Variants in RHOBTB1 observed in about 807,000 individuals in gnomAD.
The protein encoded by RHOBTB1 is Rho related BTB domain containing 1.
In RHOBTB1, 40 loss-of-function variants were observed where a neutral mutation model predicts 71.6. The observed-to-expected ratio is 0.56, with a 90% CI of 0.43 to 0.73. RHOBTB1 has a LOEUF of 0.73. Among genes scored for constraint, RHOBTB1 ranks in the 30% least tolerant of loss-of-function variants. The probability of loss-of-function intolerance (pLI) is 0.00; values close to 1 mark genes in which losing one functional copy is unlikely to be tolerated. For missense variants in RHOBTB1, 797 were observed against 894.0 expected (o/e 0.89, Z 1.38); for synonymous variants, 319 against 334.9 (o/e 0.95, Z 0.52).
chr10:60,911,744 T>A (rs1479602974), intron 2 of RHOBTB1, among the ~76,000 whole-genome samples, 192 bp from the exon 3 acceptor site: 1 of 152,232 alleles, frequency 6.6e-6, no homozygotes, highest in Non-Finnish European at 1.5e-5. Context: ...CTCACACAAG[T>A]ACAAAAACAT....
At chr10:60,926,441 A>C (rs1423820957) in intron 2 of RHOBTB1, among the ~76,000 whole-genome samples, 1 of 152,208 alleles carries the variant, frequency 6.6e-6, no homozygotes, top group African/African-American at 2.4e-5. Flanking sequence ...AGAAAGCTAT[A>C]GGCCAATATA....
intron 1 of RHOBTB1, among the ~76,000 whole-genome samples, chr10:60,988,805 G>T (rs1272963066): frequency 1.3e-5 from 2 of 152,110 alleles, no homozygotes; most frequent in African/African-American, 4.8e-5. Context: ...TCCTTCAGGG[G>T]TCTTCCTGAA....
intron 2 of RHOBTB1, among the ~76,000 whole-genome samples, chr10:60,912,232 C>T (rs933333021): frequency 1.3e-5 from 2 of 151,294 alleles, no homozygotes; most frequent in Non-Finnish European, 2.9e-5. Context: ...TATACACACA[C>T]ACATATATAT....
chr10:60,962,245 T>C (rs1286790632), intron 2 of RHOBTB1, among the ~76,000 whole-genome samples: 2 of 152,184 alleles, frequency 1.3e-5, no homozygotes, highest in African/African-American at 4.8e-5. Context: ...TGTAATTCTT[T>C]GTTGGAACTA....
chr10:60,886,054 AT>A lies in RHOBTB1; in HGVS notation c.1575+57del, dbSNP rs1363416738. 3.1e-6 allele frequency: 4 copies of A among 1,279,566 alleles called. No homozygotes were observed. In the African/African-American group the frequency reaches 4.4e-5, roughly 14 times the overall value. 79.3% of individuals were successfully genotyped at this position (1,279,566 alleles called of 1,614,324 possible). A position where few individuals can be genotyped will look rare whatever the true frequency, so the allele number is the denominator to read the frequency against. On this transcript the variant is annotated intron_variant, in intron 7 of 10. Coordinates refer to ENST00000337910, the MANE Select transcript of RHOBTB1 (RefSeq NM_014836.5). ...CTGGCTGTTTACCCACTTTATATAA[AT>A]ACACAGGCACACATACATTCATAAA...
rs148788362 is a variant in RHOBTB1, at chr10:60,968,444, A to C, written c.-62+17401T>G. Among the ~76,000 whole-genome samples the C allele has an allele frequency of 1.5e-3, 233 of 152,260 alleles. 1 individual carries two copies. Among genetic ancestry groups the C allele is most frequent in the African/African-American group, 5.3e-3 (221 of 41,554 alleles). On this transcript the variant is annotated intron_variant, in intron 2 of 11. Coordinates refer to the RHOBTB1 transcript ENST00000357917. The stretch of plus-strand genomic sequence containing the variant: ...ACAAGTTTTTAGTGTTTTGATTCTT[A>C]AAAATAGCAGGATATCTCTTATGTT...
rs550242147 is a variant in RHOBTB1, at chr10:60,965,113, G to C, written c.-62+20732C>G. The stretch of plus-strand genomic sequence containing the variant: ...TCGTTGAGTATGCCATTACTTATCA[G>C]ATAGTATGTTAGGGGTTGTACATAT... On this transcript the variant is annotated intron_variant, in intron 2 of 11. Coordinates refer to the RHOBTB1 transcript ENST00000357917. Among the ~76,000 whole-genome samples, 11 of 152,166 alleles carry C rather than the reference G, an allele frequency of 7.2e-5. No homozygotes were observed. The South Asian group carries it at 2.3e-3, about 32-fold the overall frequency.
At chr10:60,876,888 A>T (rs534211254) in intron 8 of RHOBTB1, among the ~76,000 whole-genome samples, 10 of 152,326 alleles carry the variant, frequency 6.6e-5, no homozygotes, top group African/African-American at 2.4e-4. Context: ...TCAAGTGCAG[A>T]TAGGACTGGT....
chr10:60,937,186 C>T (rs1423407423), intron 2 of RHOBTB1, among the ~76,000 whole-genome samples: 1 of 152,190 alleles, frequency 6.6e-6, no homozygotes, highest in Non-Finnish European at 1.5e-5. Flanking sequence ...GCAAGTGCCA[C>T]ATGAGAAAAT....
rs567624541 is a variant in RHOBTB1, at chr10:60,922,097, T to A, written c.-10-10545A>T. ...GATTTATAAATGTTAATAATATTTA[T>A]ATATAAGGGTCTCATAAAGTTCTCA... On this transcript the variant is annotated intron_variant, in intron 2 of 10. Coordinates refer to ENST00000337910, the MANE Select transcript of RHOBTB1 (RefSeq NM_014836.5). Among the ~76,000 whole-genome samples the A allele has an allele frequency of 5.9e-5, 9 of 152,318 alleles. No individual in the cohort carries two copies. The East Asian group carries it at 7.7e-4, about 13-fold the overall frequency.
intron 2 of RHOBTB1, among the ~76,000 whole-genome samples, chr10:60,966,440 T>C (rs1175226130): frequency 6.6e-6 from 1 of 151,286 alleles, no homozygotes; most frequent in Non-Finnish European, 1.5e-5. Flanking sequence ...GAGGCCAAGG[T>C]GGGAGGATCA....
chr10:60,947,515 C>G (rs73266051), upstream of RHOBTB1, among the ~76,000 whole-genome samples: 1,922 of 152,168 alleles, frequency 0.013, 48 homozygotes, highest in African/African-American at 0.043. Context: ...TTCTCCATCT[C>G]TAGAGTTTTT....
chr10:60,889,270 A>T, intron 5 of RHOBTB1, 85 bp from the exon 6 acceptor site: 1 of 1,357,046 alleles, frequency 7.4e-7, no homozygotes, highest in Non-Finnish European at 9.9e-7. Context: ...ACCTAATGGA[A>T]CTATACACTG....
upstream of RHOBTB1, chr10:60,944,332 T>C (rs1053708117): frequency 1.3e-5 from 2 of 152,222 alleles, no homozygotes; most frequent in African/African-American, 4.8e-5. Flanking sequence ...ACTGTGACGT[T>C]AGCAGCCTTC....
chr10:60,967,641 A>T (rs553247907), intron 2 of RHOBTB1, among the ~76,000 whole-genome samples: 1 of 152,072 alleles, frequency 6.6e-6, no homozygotes, highest in Non-Finnish European at 1.5e-5. Context: ...TATTGCAGAG[A>T]GGGAAGAGAA....
intron 10 of RHOBTB1, 112 bp from the exon 11 acceptor site, chr10:60,871,763 G>C: frequency 9.8e-7 from 1 of 1,016,908 alleles, no homozygotes; most frequent in South Asian, 1.6e-5. Flanking sequence ...TGATGCGGCA[G>C]AGACTGTGAT....
chr10:60,946,497 T>C (rs1029983761), upstream of RHOBTB1, among the ~76,000 whole-genome samples: 1 of 152,204 alleles, frequency 6.6e-6, no homozygotes, highest in African/African-American at 2.4e-5. Flanking sequence ...ATGAGGCAGA[T>C]GCTATAATTA....
chr10:60,953,891 G>A (rs904160331), intron 2 of RHOBTB1, among the ~76,000 whole-genome samples: 1 of 152,128 alleles, frequency 6.6e-6, no homozygotes, highest in Non-Finnish European at 1.5e-5. Flanking sequence ...ATTAATGAGG[G>A]ACTGAGATAT....
chr10:60,916,793 G>C (rs572313169), intron 2 of RHOBTB1, among the ~76,000 whole-genome samples: 1 of 152,342 alleles, frequency 6.6e-6, no homozygotes, highest in East Asian at 1.9e-4. Context: ...ATGGAATTAA[G>C]GTTGTTAGTC....
Sources: gnomAD v4.1 joint callset for allele counts (sites outside exome capture counted in the v4.1 genomes callset) on GRCh38, gnomAD v4.1.1 for gene constraint, MANE v1.5 for transcripts, NCBI Gene and HGNC (gene_info 2026-07-23, HGNC 2026-07-21) for gene names.